RGS6: variants seen among roughly 807,000 people sequenced by gnomAD.
RGS6 encodes the protein regulator of G protein signaling 6.
In RGS6, 30 loss-of-function variants were observed where a neutral mutation model predicts 78.5. That is an observed-to-expected ratio of 0.38 (90% CI 0.29 to 0.52). The LOEUF (loss-of-function observed/expected upper bound fraction) is 0.52. RGS6 is among the 20% of genes least tolerant of loss of function. RGS6 has a pLI of 0.85. For synonymous variants in RGS6, 206 were observed against 206.0 expected (o/e 1.00, Z 0.00); for missense variants, 495 against 609.7 (o/e 0.81, Z 1.98).
intron 2 of RGS6, among the ~76,000 whole-genome samples, chr14:72,270,406 G>A (rs1295015127): frequency 6.6e-6 from 1 of 152,228 alleles, no homozygotes; most frequent in Non-Finnish European, 1.5e-5. Context: ...AGGAAAGGAT[G>A]GGAGAAAGGA....
At chr14:72,361,756 A>G (rs999746274) in intron 3 of RGS6, among the ~76,000 whole-genome samples, 1 of 152,166 alleles carries the variant, frequency 6.6e-6, no homozygotes, top group African/African-American at 2.4e-5. Flanking sequence ...AGGACCAGGG[A>G]TCAGCAGATG....
chr14:71,887,061 G>A, the RGS6 span, among the ~76,000 whole-genome samples: 26 of 152,254 alleles, frequency 1.7e-4, no homozygotes, highest in Middle Eastern at 3.4e-3. Flanking sequence ...GAGGTGTTGC[G>A]GGAAGTCAGG....
chr14:72,475,341 C>A (rs1282665568), intron 10 of RGS6, among the ~76,000 whole-genome samples: 1 of 151,702 alleles, frequency 6.6e-6, no homozygotes, highest in Non-Finnish European at 1.5e-5. Context: ...CCGAGGGTGC[C>A]ATGCTCAGAC....
At chr14:72,047,681 A>G (rs2092950133) in intron 2 of RGS6, among the ~76,000 whole-genome samples, 1 of 152,086 alleles carries the variant, frequency 6.6e-6, no homozygotes, top group Non-Finnish European at 1.5e-5. Flanking sequence ...CAAATGCGAT[A>G]TTTGACTTTT....
Position 72,510,196 on chromosome 14 carries a change from T to C in RGS6, c.1008T>C (p.Ser336=), listed in dbSNP as rs2096861382. The C allele has an allele frequency of 6.2e-7, 1 of 1,613,246 alleles. No homozygotes were observed. The highest frequency in any genetic ancestry group is 1.1e-5 in the South Asian group (1 of 90,798). ...SQQRVKRWGF[S]FDEILKDQVG... ...AGCGAGTAAAAAGATGGGGCTTCTC[T>C]TTCGATGAGATATTGAAGGACCAGG... The change falls in exon 14 of 18, where the codon TCT becomes TCC. Residue 336 remains serine (S), a synonymous_variant. Coordinates refer to ENST00000553525, the MANE Select transcript of RGS6 (RefSeq NM_001204424.2).
At chr14:72,077,749 G>A (rs2094637794) in intron 2 of RGS6, among the ~76,000 whole-genome samples, 1 of 152,010 alleles carries the variant, frequency 6.6e-6, no homozygotes, top group Non-Finnish European at 1.5e-5. Context: ...CTTTTTCAAT[G>A]ATTATTTTTT....
chr14:71,918,063 C>A, the RGS6 span, among the ~76,000 whole-genome samples: 1 of 151,598 alleles, frequency 6.6e-6, no homozygotes, highest in African/African-American at 2.4e-5. Context: ...CGCCTGTAGT[C>A]CCAGCTACTC....
intron 3 of RGS6, among the ~76,000 whole-genome samples, chr14:72,418,106 A>G (rs1195662563): frequency 2.6e-5 from 4 of 152,090 alleles, no homozygotes; most frequent in Non-Finnish European, 5.9e-5. Context: ...AGATCTAGGT[A>G]GTATGGGAAA....
chr14:72,030,404 G>A (rs1242116795), intron 2 of RGS6, among the ~76,000 whole-genome samples: 2 of 151,554 alleles, frequency 1.3e-5, no homozygotes, highest in Non-Finnish European at 2.9e-5. Context: ...TAAAAGGATA[G>A]AAAAATATTA....
chr14:72,550,364 T>A (rs560863647), intron 17 of RGS6: 1 of 1,032,252 alleles, frequency 9.7e-7, no homozygotes, highest in African/African-American at 1.6e-5. Flanking sequence ...CTGTACTTAG[T>A]GACAGGGCTG....
intron 1 of RGS6, among the ~76,000 whole-genome samples, chr14:71,952,979 T>G (rs903690449): frequency 6.6e-6 from 1 of 152,196 alleles, no homozygotes; most frequent in Non-Finnish European, 1.5e-5. Flanking sequence ...TTGGCAACGC[T>G]TCTCTGTCAC....
intron 2 of RGS6, among the ~76,000 whole-genome samples, chr14:71,966,169 A>G (rs1382508514): frequency 6.6e-6 from 1 of 152,198 alleles, no homozygotes; most frequent in African/African-American, 2.4e-5. Flanking sequence ...CATTTCACTA[A>G]CTACTTGAGT....
Position 72,476,728 on chromosome 14 carries a change from GCTT to G in RGS6, c.694-8_694-6del. The G allele has an allele frequency of 6.2e-6, 10 of 1,612,882 alleles. No homozygotes were observed. Among genetic ancestry groups the G allele is most frequent in the Non-Finnish European group, 8.5e-6 (10 of 1,179,054 alleles). ...TGTGGGTGGATGATCCTCTGTGCTT[GCTT>G]CTTCTCCTAGTCCGTGTATGGCGTG... On this transcript the variant is annotated splice_polypyrimidine_tract_variant and intron_variant, in intron 10 of 17. Transcript: ENST00000553525.
chr14:72,184,895 T>C (rs1459396532), intron 2 of RGS6, among the ~76,000 whole-genome samples: 1 of 151,622 alleles, frequency 6.6e-6, no homozygotes, highest in African/African-American at 2.4e-5. Context: ...TGAAAGGGAG[T>C]TTATTAAGGA....
intron 1 of RGS6, among the ~76,000 whole-genome samples, chr14:71,935,317 G>A (rs2088898430): frequency 2.6e-5 from 4 of 152,206 alleles, no homozygotes; most frequent in Admixed American, 2.6e-4. Flanking sequence ...TCCATAATCT[G>A]CTAGGGAGAG....
chr14:72,541,033 G>C, intron 17 of RGS6: 1 of 1,313,684 alleles, frequency 7.6e-7, no homozygotes, highest in South Asian at 1.2e-5. Context: ...TGAGCTCAGT[G>C]CACAAGAAAT....
intron 2 of RGS6, among the ~76,000 whole-genome samples, chr14:72,305,685 C>G (rs1015087294): frequency 3.9e-5 from 6 of 152,206 alleles, no homozygotes; most frequent in African/African-American, 1.2e-4. Flanking sequence ...GCACATCTCT[C>G]TCCCTCTCTT....
At chr14:72,304,667 T>G (rs2066838686) in intron 2 of RGS6, among the ~76,000 whole-genome samples, 1 of 151,946 alleles carries the variant, frequency 6.6e-6, no homozygotes. Context: ...TCACCTGAGG[T>G]CAGGAGTTCG....
intron 2 of RGS6, among the ~76,000 whole-genome samples, chr14:72,222,205 C>G (rs962570155): frequency 6.6e-6 from 1 of 152,236 alleles, no homozygotes; most frequent in South Asian, 2.1e-4. Context: ...ACCCCCACCT[C>G]CAAGAGATCT....
Sources: gnomAD v4.1 joint callset for allele counts (sites outside exome capture counted in the v4.1 genomes callset) on GRCh38, gnomAD v4.1.1 for gene constraint, MANE v1.5 for transcripts, NCBI Gene and HGNC (gene_info 2026-07-23, HGNC 2026-07-21) for gene names.